CEP126: variants seen among roughly 807,000 people sequenced by gnomAD.
The protein encoded by CEP126 is centrosomal protein 126.
In CEP126, 74 loss-of-function variants were observed where a neutral mutation model predicts 107.8. That is an observed-to-expected ratio of 0.69 (90% CI 0.57 to 0.83). The LOEUF (loss-of-function observed/expected upper bound fraction) is 0.83, where lower values mean the gene tolerates loss of function less well. CEP126 is among the 40% of genes least tolerant of loss of function. The pLI is 0.00. For synonymous variants in CEP126, 449 were observed against 446.0 expected (o/e 1.01, Z -0.08); for missense variants, 1,237 against 1,281.9 (o/e 0.96, Z 0.53).
chr11:101,938,496 A>G lies in CEP126; in HGVS notation c.249-5769A>G, dbSNP rs76773176. 5.0e-3 allele frequency among the ~76,000 whole-genome samples: 745 copies of G among 148,174 alleles called. 4 individuals carry two copies. Among genetic ancestry groups the G allele is most frequent in the Admixed American group, 0.011 (159 of 14,810 alleles). ...AAATTTGCTCATCTTCTATCTTGTT[A>G]AGGTGGAAACTGAAGTCATTGATTT... On this transcript the variant is annotated intron_variant, in intron 2 of 10. Transcript: ENST00000263468.
rs1436462330 is a variant in CEP126, at chr11:101,997,620, A to C, written c.3331A>C (p.Ser1111Arg). 1 of 1,613,858 alleles carries C rather than the reference A, an allele frequency of 6.2e-7. No homozygotes were observed. The highest frequency in any genetic ancestry group is 8.5e-7 in the Non-Finnish European group (1 of 1,179,790). ...PLLEKREDRT[S>R]SCRDKR ...CCAGGAGAAGAGAGAAGATAGAACCAGCAGCTGCAGAGACAAGAGATAATT... is the reference window on the plus strand; with the variant it reads ...CCAGGAGAAGAGAGAAGATAGAACCCGCAGCTGCAGAGACAAGAGATAATT... Residue 1111 changes from serine (S) to arginine (R), a missense_variant, in exon 11 of 11, where the codon AGC (serine) becomes CGC (arginine). Physicochemically the swap from Ser to Arg is moderately radical, Grantham distance 110. Around this residue, in one of 3 missense-constraint regions of CEP126, gnomAD observed 99 missense variants for 114.4 expected, o/e 0.87. Coordinates refer to ENST00000263468, the MANE Select transcript of CEP126 (RefSeq NM_020802.4).
Position 101,999,727 on chromosome 11 carries a change from A to G in CEP126, c.*2084A>G, listed in dbSNP as rs1661412. On this transcript the variant is annotated 3_prime_UTR_variant, in exon 11 of 11. Transcript: ENST00000263468. The stretch of plus-strand genomic sequence containing the variant: ...TTGTGAATTAAAGTGGAAGAGAATA[A>G]CACTTTGCATGCTATAAACGTGAAA... 79,113 of 151,944 alleles carry G rather than the reference A, an allele frequency of 0.52. 21,164 individuals are homozygous for G. The highest frequency in any genetic ancestry group is 0.78 in the East Asian group (4,013 of 5,166). The allele number at this position is 151,944 out of a possible 1,614,324, so 9.4% of individuals were successfully genotyped here.
chr11:101,988,911 G>T (rs548261108), intron 9 of CEP126, among the ~76,000 whole-genome samples: 1 of 151,972 alleles, frequency 6.6e-6, no homozygotes. Flanking sequence ...TTTAACCACG[G>T]TGGGTGATTT....
At chr11:101,978,505 G>A (rs1285022815) in intron 7 of CEP126, 46 bp downstream of exon 7, 2 of 1,303,658 alleles carry the variant, frequency 1.5e-6, no homozygotes, top group Non-Finnish European at 2.2e-6. Flanking sequence ...TTTAAAAATT[G>A]CTTGGAAAAC....
chr11:101,997,858 A>T lies in CEP126; in HGVS notation c.*215A>T, dbSNP rs1313494280. 5.3e-6 allele frequency: 3 copies of T among 567,196 alleles called. No individual in the cohort carries two copies. Among genetic ancestry groups the T allele is most frequent in the Non-Finnish European group, 9.1e-6 (3 of 328,564 alleles). 35.1% of individuals were successfully genotyped at this position (567,196 alleles called of 1,614,324 possible). On this transcript the variant is annotated 3_prime_UTR_variant, in exon 11 of 11. Transcript: ENST00000263468. ...GAGTTCTGAGAATACCATGAAAGAC[A>T]TTATGCCTGCCTAAACAAAAAGCAG...
At chr11:101,946,367 G>A (rs1189184241) in intron 3 of CEP126, among the ~76,000 whole-genome samples, 1 of 152,002 alleles carries the variant, frequency 6.6e-6, no homozygotes, top group Non-Finnish European at 1.5e-5. Flanking sequence ...AATTAGCCAG[G>A]CATGGTAGTT....
intron 1 of CEP126, among the ~76,000 whole-genome samples, chr11:101,917,060 G>A (rs1489528428): frequency 6.7e-6 from 1 of 148,576 alleles, no homozygotes. Context: ...GTGTGTGTGT[G>A]TGTGTGTGTG....
intron 6 of CEP126, among the ~76,000 whole-genome samples, chr11:101,971,619 G>C (rs1941130340): frequency 6.6e-6 from 1 of 152,228 alleles, no homozygotes; most frequent in Admixed American, 6.5e-5. Context: ...TTGAATTCCT[G>C]GGCTGAGAGC....
Position 101,955,889 on chromosome 11 carries a change from A to G in CEP126, c.507-2279A>G, listed in dbSNP as rs143564011. ...CCCATTGCGGTCCCACCACTTCCAAATTCTTCCTAGCTACCCAACTGTTTC... is the reference window on the plus strand; with the variant it reads ...CCCATTGCGGTCCCACCACTTCCAAGTTCTTCCTAGCTACCCAACTGTTTC... On this transcript the variant is annotated intron_variant, in intron 4 of 10. Transcript: ENST00000263468. The G allele has an allele frequency of 1.1e-3, 480 of 456,040 alleles. 2 individuals are homozygous for G. The highest frequency in any genetic ancestry group is 8.9e-3 in the African/African-American group (443 of 49,990). 28.2% of individuals were successfully genotyped at this position (456,040 alleles called of 1,614,324 possible). A position where few individuals can be genotyped will look rare whatever the true frequency, so the allele number is the denominator to read the frequency against.
At chr11:101,984,116 T>G (rs975923207) in intron 8 of CEP126, among the ~76,000 whole-genome samples, 3 of 152,250 alleles carry the variant, frequency 2.0e-5, no homozygotes, top group African/African-American at 7.2e-5. Context: ...GTGACCAGAC[T>G]ATCGTTAGGT....
Position 101,922,648 on chromosome 11 carries a change from A to C in CEP126, c.136A>C (p.Lys46Gln). Residue 46 changes from lysine (K) to glutamine (Q), a missense_variant, in exon 2 of 11, where the codon AAA becomes CAA. Around this residue, in one of 3 missense-constraint regions of CEP126, gnomAD observed 1,134 missense variants for 1,150.5 expected, o/e 0.99. Transcript: ENST00000263468. Reference protein sequence around the residue: ...HHRPGSYLDMKIHLEKNLEEE... With the variant: ...HHRPGSYLDMQIHLEKNLEEE... ...ACTTAATGCTATCATTAGAGATATG[A>C]AAATCCATCTGGAGAAAAATTTAGA... The C allele has an allele frequency of 6.2e-7, 1 of 1,605,502 alleles. No individual in the cohort carries two copies. Among genetic ancestry groups the C allele is most frequent in the Non-Finnish European group, 8.5e-7 (1 of 1,172,636 alleles).
chr11:101,987,049 T>TCTTATAAAA lies in CEP126; in HGVS notation c.3244+8_3244+9insCTTATAAAA. 1 of 1,521,750 alleles carries TCTTATAAAA rather than the reference T, an allele frequency of 6.6e-7. No individual in the cohort carries two copies. The highest frequency in any genetic ancestry group is 9.1e-7 in the Non-Finnish European group (1 of 1,099,018). 94.3% of individuals were successfully genotyped at this position (1,521,750 alleles called of 1,614,324 possible). On this transcript the variant is annotated intron_variant, in intron 9 of 10. Transcript: ENST00000263468. ...TCAGTGAAAGACTACATTGTAAGTATGGAAGAACACCTTTTATAAGAAATA... is the reference window on the plus strand; with the variant it reads ...TCAGTGAAAGACTACATTGTAAGTATCTTATAAAAGGAAGAACACCTTTTATAAGAAATA...
Position 101,915,320 on chromosome 11 carries a change from C to G in CEP126, c.36C>G (p.Val12=). 1 of 1,613,844 alleles carries G rather than the reference C, an allele frequency of 6.2e-7. No homozygotes were observed. ...GGAGGCCCGGAACCCGGAGCGCGGTCGGGGAACTGGGCACTGAATCATCGG... is the reference window on the plus strand; with the variant it reads ...GGAGGCCCGGAACCCGGAGCGCGGTGGGGGAACTGGGCACTGAATCATCGG... ...LAGRPGTRSA[V]GELGTESSDN... The change falls in exon 1 of 11, where the codon GTC becomes GTG. Residue 12 remains valine, a synonymous_variant. Transcript: ENST00000263468.
chr11:101,951,646 A>G (rs1940814524), intron 4 of CEP126, among the ~76,000 whole-genome samples: 1 of 151,970 alleles, frequency 6.6e-6, no homozygotes, highest in African/African-American at 2.4e-5. Context: ...AAAAGAATAG[A>G]TGAGTTTGGT....
In CEP126 at chr11:101,941,518, C is replaced by G. The variant is rs1213584921; in HGVS notation, c.249-2747C>G. 2.6e-5 allele frequency among the ~76,000 whole-genome samples: 4 copies of G among 152,080 alleles called. No individual in the cohort carries two copies. In the East Asian group the frequency reaches 7.7e-4, roughly 29 times the overall value. ...AAAAAAATTCCATTTTATATATATG[C>G]CACATTTTGTTTATCCATTCATCCA... is the stretch of plus-strand genomic sequence containing the variant. On this transcript the variant is annotated intron_variant, in intron 2 of 10. Transcript: ENST00000263468.
At chr11:101,968,921 A>G (rs930299042) in intron 6 of CEP126, among the ~76,000 whole-genome samples, 7 of 152,210 alleles carry the variant, frequency 4.6e-5, no homozygotes, top group African/African-American at 1.7e-4. Context: ...ATAAATTTGA[A>G]TAATTGATAG....
chr11:101,944,949 A>G (rs1940716032), intron 3 of CEP126, among the ~76,000 whole-genome samples: 1 of 152,224 alleles, frequency 6.6e-6, no homozygotes, highest in Admixed American at 6.5e-5. Context: ...TCAAAGCTTC[A>G]TAAAGAATAG....
At chr11:101,956,973 G>A (rs1940907963) in intron 4 of CEP126, 2 of 321,924 alleles carry the variant, frequency 6.2e-6, no homozygotes, top group African/African-American at 2.2e-5. Flanking sequence ...TAGATATTTT[G>A]TAGATATAGC....
intron 1 of CEP126, among the ~76,000 whole-genome samples, chr11:101,917,465 C>G (rs1940241000): frequency 6.6e-6 from 1 of 152,128 alleles, no homozygotes; most frequent in Admixed American, 6.5e-5. Context: ...AAGACATTTT[C>G]TCACTGGAGT....
Sources: gnomAD v4.1 joint callset for allele counts (sites outside exome capture counted in the v4.1 genomes callset) on GRCh38, gnomAD v4.1.1 for gene constraint, gnomAD v4.1.1 regional missense constraint, MANE v1.5 for transcripts, NCBI Gene and HGNC (gene_info 2026-07-23, HGNC 2026-07-21) for gene names.